Variants in ZFYVE28 observed in about 807,000 individuals in gnomAD.
ZFYVE28 encodes lateral signaling target protein 2 homolog.
Under a neutral mutation model 82.1 loss-of-function variants are expected in ZFYVE28, and 40 were observed. That is an observed-to-expected ratio of 0.49 (90% CI 0.38 to 0.63). The LOEUF is 0.63. Among genes scored for constraint, ZFYVE28 ranks in the 30% least tolerant of loss-of-function variants. The probability of loss-of-function intolerance (pLI) is 0.00; values close to 1 mark genes in which losing one functional copy is unlikely to be tolerated. For missense variants in ZFYVE28, 1,321 were observed against 1,242.1 expected (o/e 1.06, Z -0.96); for synonymous variants, 612 against 546.1 (o/e 1.12, Z -1.68).
intron 1 of ZFYVE28, among the ~76,000 whole-genome samples, chr4:2,413,953 C>T (rs1201038029): frequency 2.6e-5 from 4 of 152,248 alleles, no homozygotes; most frequent in African/African-American, 9.6e-5. Context: ...CCCTCACCCT[C>T]AGCCACCAGT....
chr4:2,386,711 G>C (rs1197792805), intron 1 of ZFYVE28, among the ~76,000 whole-genome samples: 1 of 152,210 alleles, frequency 6.6e-6, no homozygotes, highest in Non-Finnish European at 1.5e-5. Context: ...TGTGACCTGG[G>C]ACATCTCAGC....
intron 1 of ZFYVE28, among the ~76,000 whole-genome samples, chr4:2,381,835 T>C (rs970634364): frequency 6.6e-6 from 1 of 152,244 alleles, no homozygotes; most frequent in Non-Finnish European, 1.5e-5. Flanking sequence ...CTCCAAAGCA[T>C]GTCAGAGGTC....
chr4:2,327,310 C>T (rs2105846), intron 6 of ZFYVE28, among the ~76,000 whole-genome samples: 3 of 63,138 alleles, frequency 4.8e-5, no homozygotes, highest in Non-Finnish European at 6.5e-5. Context: ...ATATATATAT[C>T]GAATAAAGTT....
At position 2,300,846 on chromosome 4, in the gene ZFYVE28, G is replaced by A. The variant is rs1715397498; in HGVS notation, c.2051+3443C>T. ...GAACCGTCCACGCCACAACCACAGG[G>A]GCTGCAGGGGCGTCTGCCGGGCGAG... On this transcript the variant is annotated intron_variant, in intron 8 of 12. Coordinates refer to ENST00000290974, the MANE Select transcript of ZFYVE28 (RefSeq NM_020972.3). This position sits in a 1 kb window ranked among gnomAD's most constrained non-coding sequence, Gnocchi z 4.6. Among the ~76,000 whole-genome samples the A allele has an allele frequency of 1.3e-5, 2 of 152,192 alleles. No individual in the cohort carries two copies. The highest frequency in any genetic ancestry group is 4.1e-4 in the South Asian group (2 of 4,824).
At chr4:2,412,180 G>C (rs764013456) in intron 1 of ZFYVE28, among the ~76,000 whole-genome samples, 4 of 152,182 alleles carry the variant, frequency 2.6e-5, no homozygotes, top group Non-Finnish European at 4.4e-5. Flanking sequence ...ACCAGAAAAA[G>C]GCACAGGGGT....
At chr4:2,303,568 C>A (rs536298246) in intron 8 of ZFYVE28, among the ~76,000 whole-genome samples, 1 of 152,150 alleles carries the variant, frequency 6.6e-6, no homozygotes, top group East Asian at 1.9e-4. Context: ...ATGGCCCTGA[C>A]AACGCAGCCA....
chr4:2,355,671 G>A (rs1432394712), intron 1 of ZFYVE28, among the ~76,000 whole-genome samples: 2 of 152,036 alleles, frequency 1.3e-5, no homozygotes, highest in East Asian at 1.9e-4. Flanking sequence ...TCCGCCTCCT[G>A]GGCTCAAGAG....
intron 8 of ZFYVE28, among the ~76,000 whole-genome samples, chr4:2,302,508 T>C (rs1715710610): frequency 1.3e-5 from 2 of 152,202 alleles, no homozygotes; most frequent in Admixed American, 6.5e-5. Context: ...CTTGGGAAAC[T>C]GGAACCCACA....
Position 2,339,561 on chromosome 4 carries a change from A to T in ZFYVE28, c.413T>A (p.Val138Glu), listed in dbSNP as rs776131510. Residue 138 changes from valine to glutamate, a missense_variant, in exon 4 of 13, where the codon GTG (valine) becomes GAG (glutamate). By Grantham distance (121) the Val-to-Glu change is moderately radical. Around this residue, in one of 2 missense-constraint regions of ZFYVE28, gnomAD observed 343 missense variants for 408.4 expected, o/e 0.84. Coordinates refer to ENST00000290974, the MANE Select transcript of ZFYVE28 (RefSeq NM_020972.3). This position sits in a 1 kb window ranked among gnomAD's most constrained non-coding sequence, Gnocchi z 5.0. ...CGCCTGGTCACGGAGGGCGCCCCGC[A>T]CGTCCTCCAGGCTGCGCGTCAGCTC... ...AKELTRSLED[V>E]RGALRDQALR... 6.2e-7 allele frequency: 1 copy of T among 1,612,898 alleles called. No individual in the cohort carries two copies. Among genetic ancestry groups the T allele is most frequent in the Non-Finnish European group, 8.5e-7 (1 of 1,179,784 alleles).
At position 2,332,914 on chromosome 4, in the gene ZFYVE28, GC is replaced by G. The variant is rs1171080179; in HGVS notation, c.701+2790del. On this transcript the variant is annotated intron_variant, in intron 6 of 12. Coordinates refer to ENST00000290974, the MANE Select transcript of ZFYVE28 (RefSeq NM_020972.3). This position sits in a 1 kb window ranked among gnomAD's most constrained non-coding sequence, Gnocchi z 4.7. Reference sequence around the variant, plus strand: ...AGCCTGGCTCTGTGGCTAGATGCCTGCCTCTGTGGGGGCTCACAGCTGGCCA... The same window carrying G: ...AGCCTGGCTCTGTGGCTAGATGCCTGCTCTGTGGGGGCTCACAGCTGGCCA... Among the ~76,000 whole-genome samples the G allele has an allele frequency of 3.9e-5, 6 of 152,136 alleles. No homozygotes were observed. Among genetic ancestry groups the G allele is most frequent in the African/African-American group, 7.2e-5 (3 of 41,418 alleles).
At position 2,340,513 on chromosome 4, in the gene ZFYVE28, C is replaced by T. The variant is rs149793890; in HGVS notation, c.319-858G>A. Among the ~76,000 whole-genome samples the T allele has an allele frequency of 4.9e-3, 749 of 152,336 alleles. 7 individuals carry two copies. Among genetic ancestry groups the T allele is most frequent in the African/African-American group, 0.017 (695 of 41,576 alleles). On this transcript the variant is annotated intron_variant, in intron 3 of 12. Transcript: ENST00000290974. ...AGTGATGCAGGACAAGAAGCCATTT[C>T]CCAGGTGACAGAATGAGACGGCGCT...
chr4:2,355,080 G>A (rs1578222932), intron 1 of ZFYVE28, among the ~76,000 whole-genome samples: 1 of 150,898 alleles, frequency 6.6e-6, no homozygotes, highest in South Asian at 2.1e-4. Context: ...CACACAGCAC[G>A]GCCACCGTCC....
chr4:2,405,416 C>T (rs539495569), intron 1 of ZFYVE28, among the ~76,000 whole-genome samples: 109 of 152,376 alleles, frequency 7.2e-4, no homozygotes, highest in African/African-American at 2.4e-3. Context: ...GGATTTCAGA[C>T]GCTGTGGGAG....
At chr4:2,352,553 T>C (rs1724639767) in intron 2 of ZFYVE28, among the ~76,000 whole-genome samples, 1 of 151,312 alleles carries the variant, frequency 6.6e-6, no homozygotes, top group Non-Finnish European at 1.5e-5. Flanking sequence ...CTGGACAGTG[T>C]CCACACCCTC....
In ZFYVE28 at chr4:2,408,248, G is replaced by A. The variant is rs76916322; in HGVS notation, c.39+10037C>T. Reference sequence around the variant, plus strand: ...CCATGCCCTGGGCCTCCCTGTGAGTGCTCCCAAGAACATCCTACCAAGCCA... The same window carrying A: ...CCATGCCCTGGGCCTCCCTGTGAGTACTCCCAAGAACATCCTACCAAGCCA... On this transcript the variant is annotated intron_variant, in intron 1 of 12. Coordinates refer to ENST00000290974, the MANE Select transcript of ZFYVE28 (RefSeq NM_020972.3). This position sits in a 1 kb window ranked among gnomAD's most constrained non-coding sequence, Gnocchi z 4.3. Among the ~76,000 whole-genome samples, 3,230 of 152,208 alleles carry A rather than the reference G, an allele frequency of 0.021. 93 individuals carry two copies. The highest frequency in any genetic ancestry group is 0.068 in the African/African-American group (2,822 of 41,536).
intron 1 of ZFYVE28, among the ~76,000 whole-genome samples, chr4:2,381,018 C>T (rs1054930580): frequency 1.3e-5 from 2 of 152,148 alleles, no homozygotes; most frequent in African/African-American, 4.8e-5. Flanking sequence ...GAAGTTGGAA[C>T]AGTTTGGAGG....
At position 2,362,666 on chromosome 4, in the gene ZFYVE28, C is replaced by G. The variant is rs991673324; in HGVS notation, c.40-8593G>C. On this transcript the variant is annotated intron_variant, in intron 1 of 12. Coordinates refer to ENST00000290974, the MANE Select transcript of ZFYVE28 (RefSeq NM_020972.3). The surrounding 1 kb of genome is among the most constrained non-coding windows in gnomAD (Gnocchi z 5.1). The stretch of plus-strand genomic sequence containing the variant: ...TGGCAGCACCACCAGCCACCGGCAG[C>G]AGATCTGGGGCCCCAGACAGGCACA... Among the ~76,000 whole-genome samples, 10 of 152,162 alleles carry G rather than the reference C, an allele frequency of 6.6e-5. No individual in the cohort carries two copies. Among genetic ancestry groups the G allele is most frequent in the African/African-American group, 2.4e-4 (10 of 41,446 alleles).
At chr4:2,319,322 C>A (rs1321609225) in intron 7 of ZFYVE28, among the ~76,000 whole-genome samples, 2 of 152,190 alleles carry the variant, frequency 1.3e-5, no homozygotes, top group East Asian at 3.9e-4. Context: ...CTGAACCAAG[C>A]ACCCCTGCCC....
chr4:2,391,119 G>A (rs1729772796), intron 1 of ZFYVE28, among the ~76,000 whole-genome samples: 1 of 152,336 alleles, frequency 6.6e-6, no homozygotes, highest in African/African-American at 2.4e-5. Context: ...ACCGACAAGG[G>A]GCCGTGCCCG....
Sources: allele counts gnomAD v4.1 joint callset (sites outside exome capture counted in the v4.1 genomes callset), GRCh38; gene constraint gnomAD v4.1.1; regional missense constraint gnomAD v4.1.1; non-coding constraint Gnocchi (gnomAD v3.1); transcripts MANE v1.5; gene names NCBI Gene and HGNC (gene_info 2026-07-23, HGNC 2026-07-21).